MTHFD2L: variants seen among roughly 807,000 people sequenced by gnomAD.
MTHFD2L encodes bifunctional methylenetetrahydrofolate dehydrogenase/cyclohydrolase 2, mitochondrial.
MTHFD2L carries 29 observed loss-of-function variants against 34.9 expected under a neutral mutation model. The ratio of observed to expected loss-of-function variants is 0.83; its 90% confidence interval spans 0.62 to 1.13. The LOEUF (loss-of-function observed/expected upper bound fraction) is 1.13. Ranked by LOEUF, MTHFD2L falls within the 50% of genes most tolerant of loss-of-function variation. The pLI is 0.00. For missense variants in MTHFD2L, 481 were observed against 446.5 expected, an observed-to-expected ratio of 1.08 and a Z score of -0.70; for synonymous variants, 167 against 155.7, an observed-to-expected ratio of 1.07 and a Z score of -0.54.
rs1294268429 is a variant in MTHFD2L at position 74,281,421 on chromosome 4, T to A, written c.806-4T>A. ...GAAGGACAAACAACTCTTTTTGTTT[T>A]CAGGTATTCCAAAGTTGATTACGTC... On this transcript the variant is annotated splice_polypyrimidine_tract_variant and splice_region_variant and intron_variant, in intron 6 of 7. Coordinates refer to ENST00000325278, the MANE Select transcript of MTHFD2L (RefSeq NM_001144978.3). 1 of 1,610,110 alleles carries A rather than the reference T, an allele frequency of 6.2e-7. No individual in the cohort carries two copies. The highest frequency in any genetic ancestry group is 8.5e-7 in the Non-Finnish European group (1 of 1,178,256).
intron 6 of MTHFD2L, among the ~76,000 whole-genome samples, chr4:74,248,416 C>A (rs1456254263): frequency 6.6e-6 from 1 of 151,922 alleles, no homozygotes; most frequent in Non-Finnish European, 1.5e-5. Flanking sequence ...TTTTGTTGAT[C>A]CTTTCAAAAA....
upstream of MTHFD2L, among the ~76,000 whole-genome samples, chr4:74,121,831 A>G (rs770628519): frequency 4.6e-5 from 7 of 151,902 alleles, no homozygotes; most frequent in Non-Finnish European, 1.0e-4. Context: ...CAATCCACAG[A>G]AAAATAGTCT....
intron 3 of MTHFD2L, among the ~76,000 whole-genome samples, chr4:74,178,452 G>T (rs1191353267): frequency 6.6e-6 from 1 of 151,910 alleles, no homozygotes; most frequent in African/African-American, 2.4e-5. Flanking sequence ...CCCCTTTTGA[G>T]CAACATTCCT....
intron 1 of MTHFD2L, among the ~76,000 whole-genome samples, chr4:74,142,127 G>T (rs1233175046): frequency 6.6e-6 from 1 of 152,192 alleles, no homozygotes; most frequent in East Asian, 1.9e-4. Context: ...GGGTGAGGAA[G>T]TGAGGTCATT....
intron 5 of MTHFD2L, among the ~76,000 whole-genome samples, chr4:74,212,183 C>T (rs1471068563): frequency 6.6e-6 from 1 of 151,602 alleles, no homozygotes; most frequent in Non-Finnish European, 1.5e-5. Context: ...GGTTTTTTGT[C>T]TCTATCTCCT....
chr4:74,218,340 G>A (rs942462103), intron 5 of MTHFD2L, among the ~76,000 whole-genome samples: 1 of 152,048 alleles, frequency 6.6e-6, no homozygotes, highest in Admixed American at 6.6e-5. Context: ...GCTGGCACAT[G>A]GACAGTGCTA....
chr4:74,139,021 G>A (rs1459369519), intron 1 of MTHFD2L, among the ~76,000 whole-genome samples: 1 of 152,192 alleles, frequency 6.6e-6, no homozygotes, highest in African/African-American at 2.4e-5. Context: ...ACCTTCCCCA[G>A]CCAGGATTAG....
chr4:74,140,398 A>G, intron 1 of MTHFD2L: 1 of 274,124 alleles, frequency 3.6e-6, no homozygotes, highest in Non-Finnish European at 5.6e-6. Context: ...AGAAACTGCT[A>G]TTATTATTGG....
At chr4:74,207,569 T>C (rs1021890871) in intron 5 of MTHFD2L, among the ~76,000 whole-genome samples, 1 of 152,200 alleles carries the variant, frequency 6.6e-6, no homozygotes, top group Admixed American at 6.5e-5. Context: ...GATTCATCTT[T>C]GCAGTGGGTG....
chr4:74,296,832 C>G (rs1421474065), intron 7 of MTHFD2L, among the ~76,000 whole-genome samples: 4 of 152,018 alleles, frequency 2.6e-5, no homozygotes, highest in African/African-American at 4.8e-5. Context: ...TACTAAGTCT[C>G]ACTGATGAAT....
chr4:74,213,082 AT>A (rs1213601694), intron 5 of MTHFD2L, among the ~76,000 whole-genome samples: 3 of 150,862 alleles, frequency 2.0e-5, no homozygotes, highest in African/African-American at 7.3e-5. Context: ...TTTTGAGTCT[AT>A]GTGTGTCTTT....
chr4:74,127,218 T>C (rs568342399), intron 1 of MTHFD2L, among the ~76,000 whole-genome samples: 21 of 152,274 alleles, frequency 1.4e-4, no homozygotes, highest in Non-Finnish European at 2.2e-4. Flanking sequence ...CAAATCAGGG[T>C]AATTGGGATG....
intron 3 of MTHFD2L, among the ~76,000 whole-genome samples, chr4:74,191,727 T>G (rs1293932376): frequency 6.6e-6 from 1 of 151,904 alleles, no homozygotes; most frequent in African/African-American, 2.4e-5. Flanking sequence ...ATTTTTTGTA[T>G]TTTTAGGGTT....
At chr4:74,225,980 C>T (rs534114550) in intron 6 of MTHFD2L, among the ~76,000 whole-genome samples, 1 of 151,726 alleles carries the variant, frequency 6.6e-6, no homozygotes, top group South Asian at 2.1e-4. Flanking sequence ...GAAAGTATGA[C>T]CTAAAGAGAT....
At chr4:74,133,806 T>C (rs1489666977) in intron 1 of MTHFD2L, among the ~76,000 whole-genome samples, 3 of 152,088 alleles carry the variant, frequency 2.0e-5, no homozygotes, top group Non-Finnish European at 4.4e-5. Flanking sequence ...GGTTTTCTAA[T>C]CCCAAAATGG....
intron 1 of MTHFD2L, among the ~76,000 whole-genome samples, chr4:74,171,887 G>T (rs1728081890): frequency 6.6e-6 from 1 of 152,130 alleles, no homozygotes; most frequent in Admixed American, 6.5e-5. Flanking sequence ...TATTTGTCAT[G>T]ATCAAAAACT....
chr4:74,121,909 C>A (rs1287129968), upstream of MTHFD2L, among the ~76,000 whole-genome samples: 4 of 151,890 alleles, frequency 2.6e-5, no homozygotes, highest in Non-Finnish European at 5.9e-5. Flanking sequence ...AATGAGAAGG[C>A]AACTATCTTC....
intron 3 of MTHFD2L, among the ~76,000 whole-genome samples, chr4:74,176,300 G>GT (rs1395034786): frequency 1.3e-5 from 2 of 151,968 alleles, no homozygotes; most frequent in Non-Finnish European, 2.9e-5. Context: ...AAATGACTTT[G>GT]TTTTTTATGT....
At chr4:74,154,588 C>G (rs1724135367), upstream of MTHFD2L, among the ~76,000 whole-genome samples, 1 of 151,962 alleles carries the variant, frequency 6.6e-6, no homozygotes, top group Non-Finnish European at 1.5e-5. Flanking sequence ...CATGAGGAAC[C>G]CTTTCAGTTG....
Sources: allele counts gnomAD v4.1 joint callset (sites outside exome capture counted in the v4.1 genomes callset), GRCh38; gene constraint gnomAD v4.1.1; transcripts MANE v1.5; gene names NCBI Gene and HGNC (gene_info 2026-07-23, HGNC 2026-07-21).